GREB1L: variants seen among roughly 807,000 people sequenced by gnomAD.
The protein encoded by GREB1L is GREB1 like retinoic acid receptor coactivator, also known as GREB1-like protein.
In GREB1L, 17 loss-of-function variants were observed where a neutral mutation model predicts 200.8. The observed-to-expected ratio is 0.08, with a 90% CI of 0.06 to 0.13. The LOEUF (loss-of-function observed/expected upper bound fraction) is 0.13, where lower values mean the gene tolerates loss of function less well. Among genes scored for constraint, GREB1L ranks in the 10% least tolerant of loss-of-function variants. The probability of loss-of-function intolerance (pLI) is 1.00; values close to 1 mark genes in which losing one functional copy is unlikely to be tolerated. For missense variants in GREB1L, 1,657 were observed against 2,367.7 expected, an observed-to-expected ratio of 0.70 and a Z score of 6.23; for synonymous variants, 789 against 893.0, an observed-to-expected ratio of 0.88 and a Z score of 2.08.
intron 1 of GREB1L, among the ~76,000 whole-genome samples, chr18:21,278,076 A>G (rs2038199407): frequency 1.3e-5 from 2 of 152,134 alleles, no homozygotes; most frequent in East Asian, 1.9e-4. Flanking sequence ...TTATAGATTG[A>G]AGGATATTAA....
intron 15 of GREB1L, among the ~76,000 whole-genome samples, chr18:21,467,531 C>T (rs540953098): frequency 6.6e-6 from 1 of 152,162 alleles, no homozygotes; most frequent in South Asian, 2.1e-4. Flanking sequence ...GAATCAAAAC[C>T]ACAATGAGAG....
chr18:21,381,894 T>G (rs1009745438), intron 2 of GREB1L, among the ~76,000 whole-genome samples: 26 of 152,204 alleles, frequency 1.7e-4, no homozygotes, highest in East Asian at 5.8e-4. Context: ...CACAGCTGTT[T>G]GGGGACAAGA....
intron 14 of GREB1L, among the ~76,000 whole-genome samples, chr18:21,453,245 G>T (rs959471556): frequency 3.3e-5 from 5 of 152,174 alleles, no homozygotes; most frequent in African/African-American, 9.7e-5. Flanking sequence ...GTGGTACAAA[G>T]ACTATTTGGG....
At chr18:21,443,554 G>C (rs113020966) in intron 10 of GREB1L, among the ~76,000 whole-genome samples, 5 of 152,218 alleles carry the variant, frequency 3.3e-5, no homozygotes, top group African/African-American at 1.2e-4. Context: ...AAATAAACTT[G>C]ATCAGGGACT....
intron 1 of GREB1L, among the ~76,000 whole-genome samples, chr18:21,272,475 AT>A (rs1279699037): frequency 9.2e-5 from 14 of 152,188 alleles, no homozygotes; most frequent in Middle Eastern, 3.2e-3. Flanking sequence ...GGATAAAGGT[AT>A]TTTTTTACAA....
chr18:21,497,214 C>T (rs1347344792), intron 21 of GREB1L, among the ~76,000 whole-genome samples: 6 of 152,304 alleles, frequency 3.9e-5, no homozygotes, highest in African/African-American at 1.2e-4. Flanking sequence ...TGCAGCCTGC[C>T]GGCCTCTGTC....
intron 7 of GREB1L, among the ~76,000 whole-genome samples, chr18:21,431,436 T>A (rs1164121137): frequency 1.3e-5 from 2 of 152,256 alleles, no homozygotes; most frequent in Non-Finnish European, 2.9e-5. Context: ...TTAAATTTTC[T>A]TCTGTTATTG....
Position 21,505,801 on chromosome 18 carries a change from T to C in GREB1L, c.4229-9T>C. The C allele has an allele frequency of 6.4e-7, 1 of 1,550,918 alleles. No homozygotes were observed. The highest frequency in any genetic ancestry group is 8.7e-7 in the Non-Finnish European group (1 of 1,146,654). ...CTCATGGGATGGCTTTTTGCCCCTT[T>C]ATACACAGAAGTGATAAAGGAATCC... On this transcript the variant is annotated splice_polypyrimidine_tract_variant and intron_variant, in intron 24 of 32. Transcript: ENST00000424526.
chr18:21,473,734 T>C (rs1479048726), intron 16 of GREB1L, among the ~76,000 whole-genome samples: 5 of 152,190 alleles, frequency 3.3e-5, no homozygotes, highest in Non-Finnish European at 7.3e-5. Flanking sequence ...TAACTACATA[T>C]ATTAGTCCAT....
At chr18:21,264,169 A>G (rs1191913392) in intron 1 of GREB1L, among the ~76,000 whole-genome samples, 1 of 152,150 alleles carries the variant, frequency 6.6e-6, no homozygotes, top group Non-Finnish European at 1.5e-5. Context: ...TCACAAGAAA[A>G]AAGCTTAATT....
chr18:21,454,303 A>G, intron 14 of GREB1L, 63 bp from the exon 15 acceptor site: 18 of 972,262 alleles, frequency 1.9e-5, no homozygotes, highest in Non-Finnish European at 2.4e-5. Context: ...CCTCATAGAG[A>G]TTCACAGTGG....
At position 21,356,957 on chromosome 18, in the gene GREB1L, G is replaced by A. The variant is rs73432776; in HGVS notation, c.-119-9070G>A. Among the ~76,000 whole-genome samples, 330 of 152,118 alleles carry A rather than the reference G, an allele frequency of 2.2e-3. 1 individual carries two copies. The highest frequency in any genetic ancestry group is 7.3e-3 in the African/African-American group (303 of 41,498). The stretch of plus-strand genomic sequence containing the variant: ...GAGCATTTTTTCATATACTGTTGGC[G>A]ATTTGTATGTCTTTTTTTGAGAAAT... On this transcript the variant is annotated intron_variant, in intron 1 of 32. Coordinates refer to ENST00000424526, the MANE Select transcript of GREB1L (RefSeq NM_001142966.3).
At chr18:21,440,562 G>C (rs777705106) in intron 9 of GREB1L, among the ~76,000 whole-genome samples, 174 bp downstream of exon 9, 2 of 152,170 alleles carry the variant, frequency 1.3e-5, no homozygotes, top group Non-Finnish European at 2.9e-5. Context: ...CATTACAACT[G>C]ATCTGAATTC....
At position 21,429,291 on chromosome 18, in the gene GREB1L, CCCTCT is replaced by C. The variant is rs911355646; in HGVS notation, c.833-10204_833-10200del. On this transcript the variant is annotated intron_variant, in intron 7 of 32. Coordinates refer to ENST00000424526, the MANE Select transcript of GREB1L (RefSeq NM_001142966.3). ...TCCTCTCCTCTCCTCTCCTCCCCTC[CCCTCT>C]CCTCTCCTCTCCTCTCCTCTCCTCT... 2.2e-3 allele frequency among the ~76,000 whole-genome samples: 259 copies of C among 119,014 alleles called. 3 individuals are homozygous for C. The highest frequency in any genetic ancestry group is 6.1e-3 in the African/African-American group (193 of 31,394). 78.1% of individuals were successfully genotyped at this position (119,014 alleles called of 152,430 possible).
chr18:21,398,362 C>T (rs2041174858), intron 5 of GREB1L, among the ~76,000 whole-genome samples: 1 of 152,202 alleles, frequency 6.6e-6, no homozygotes, highest in Non-Finnish European at 1.5e-5. Flanking sequence ...CCTTAAAGCA[C>T]CCACCCAGCA....
At chr18:21,349,536 G>A (rs2039403166) in intron 1 of GREB1L, among the ~76,000 whole-genome samples, 1 of 152,102 alleles carries the variant, frequency 6.6e-6, no homozygotes, top group South Asian at 2.1e-4. Flanking sequence ...TTAGGAACTG[G>A]GCCGGCACAA....
intron 2 of GREB1L, among the ~76,000 whole-genome samples, chr18:21,370,889 C>T (rs189205120): frequency 6.6e-6 from 1 of 152,014 alleles, no homozygotes; most frequent in Non-Finnish European, 1.5e-5. Flanking sequence ...ACCAGCCTTG[C>T]CTGCATGGTA....
chr18:21,446,397 A>G (rs1227862452), intron 11 of GREB1L, among the ~76,000 whole-genome samples: 3 of 152,220 alleles, frequency 2.0e-5, no homozygotes, highest in Non-Finnish European at 4.4e-5. Flanking sequence ...TCAAAATAAG[A>G]TATCTTTTCT....
At chr18:21,289,544 C>A (rs985488743) in intron 1 of GREB1L, among the ~76,000 whole-genome samples, 3 of 151,152 alleles carry the variant, frequency 2.0e-5, no homozygotes, top group Admixed American at 6.6e-5. Context: ...CCATCCCCCC[C>A]CGCAAAAAAA....
Sources: gnomAD v4.1 joint callset for allele counts (sites outside exome capture counted in the v4.1 genomes callset) on GRCh38, gnomAD v4.1.1 for gene constraint, MANE v1.5 for transcripts, NCBI Gene and HGNC (gene_info 2026-07-23, HGNC 2026-07-21) for gene names.